The following CCDC93 variants were observed in gnomAD, a reference collection of about 807,000 sequenced individuals.
CCDC93 encodes coiled-coil domain-containing protein 93.
Under a neutral mutation model 108.2 loss-of-function variants are expected in CCDC93, and 61 were observed. The observed-to-expected ratio is 0.56, with a 90% CI of 0.46 to 0.70. The LOEUF (loss-of-function observed/expected upper bound fraction) is 0.70. CCDC93 is among the 30% of genes least tolerant of loss of function. The probability of loss-of-function intolerance (pLI) is 0.00; values close to 1 mark genes in which losing one functional copy is unlikely to be tolerated. For synonymous variants in CCDC93, 276 were observed against 260.4 expected, an observed-to-expected ratio of 1.06 and a Z score of -0.58; for missense variants, 685 against 764.2, an observed-to-expected ratio of 0.90 and a Z score of 1.22.
At chr2:118,005,484 C>T (rs1676838820) in intron 3 of CCDC93, among the ~76,000 whole-genome samples, 1 of 152,154 alleles carries the variant, frequency 6.6e-6, no homozygotes. Flanking sequence ...GAAGCATAGG[C>T]CAGGTGCGGT....
chr2:118,010,102 C>A (rs1039021630), intron 1 of CCDC93, among the ~76,000 whole-genome samples: 1 of 97,760 alleles, frequency 1.0e-5, no homozygotes, highest in Non-Finnish European at 2.3e-5. Context: ...CCACCACGCC[C>A]GTTTTTTTGT....
intron 11 of CCDC93, among the ~76,000 whole-genome samples, chr2:117,960,085 C>T (rs375445645): frequency 2.6e-5 from 4 of 152,242 alleles, no homozygotes; most frequent in African/African-American, 9.6e-5. Flanking sequence ...TATTTAATAG[C>T]TTTTTTATAG....
intron 21 of CCDC93, 116 bp downstream of exon 21, chr2:117,936,586 C>T: frequency 1.2e-6 from 1 of 817,616 alleles, no homozygotes. Flanking sequence ...AATCACATAC[C>T]CAGTGTTAAG....
chr2:117,935,111 C>T (rs1428242468), intron 22 of CCDC93, among the ~76,000 whole-genome samples: 1 of 152,092 alleles, frequency 6.6e-6, no homozygotes, highest in Non-Finnish European at 1.5e-5. Flanking sequence ...ATGTCAGGTA[C>T]CACAGATCCA....
intron 3 of CCDC93, among the ~76,000 whole-genome samples, chr2:118,001,337 T>C (rs1680845850): frequency 1.3e-5 from 2 of 152,228 alleles, no homozygotes; most frequent in African/African-American, 4.8e-5. Flanking sequence ...AAAAGTATTC[T>C]AAATATCAGG....
intron 13 of CCDC93, chr2:117,949,970 C>T (rs146721228): frequency 7.9e-5 from 78 of 985,406 alleles, no homozygotes; most frequent in Non-Finnish European, 9.0e-5. Flanking sequence ...ATAGGCTAGG[C>T]AATGAAACCT....
intron 3 of CCDC93, among the ~76,000 whole-genome samples, chr2:118,004,308 A>G (rs139865469): frequency 5.1e-4 from 78 of 152,380 alleles, no homozygotes; most frequent in African/African-American, 1.7e-3. Flanking sequence ...AATCCCATTT[A>G]TGGGCCTCTG....
rs573369385 is a variant in CCDC93, at chr2:117,938,893, A to G, written c.1605+136T>C. On this transcript the variant is annotated intron_variant, in intron 20 of 23. Coordinates refer to ENST00000376300, the MANE Select transcript of CCDC93 (RefSeq NM_019044.5). The stretch of plus-strand genomic sequence containing the variant: ...CTTGCACTTTCTGACTGGGTATGCC[A>G]GCACTTAGCATATAAAATAGGCACT... The G allele has an allele frequency of 1.3e-5, 7 of 558,478 alleles. No individual in the cohort carries two copies. The Admixed American group carries it at 2.2e-4, about 17-fold the overall frequency. 34.6% of individuals were successfully genotyped at this position (558,478 alleles called of 1,614,324 possible).
intron 23 of CCDC93, chr2:117,930,794 G>C (rs748894220): frequency 2.7e-6 from 1 of 372,690 alleles, no homozygotes. Context: ...TGCTTACTAA[G>C]TGTTAGGAAA....
At chr2:117,968,596 T>C (rs1330618366) in intron 11 of CCDC93, among the ~76,000 whole-genome samples, 1 of 152,258 alleles carries the variant, frequency 6.6e-6, no homozygotes, top group Non-Finnish European at 1.5e-5. Flanking sequence ...ATACATGTTA[T>C]GTTACACTCT....
intron 7 of CCDC93, among the ~76,000 whole-genome samples, chr2:117,984,757 T>C (rs978170222): frequency 6.6e-6 from 1 of 152,180 alleles, no homozygotes; most frequent in Non-Finnish European, 1.5e-5. Context: ...TCTCCAGCTC[T>C]GGCTCTCCCA....
chr2:117,936,890 A>G, intron 20 of CCDC93, 151 bp from the exon 21 acceptor site: 1 of 657,470 alleles, frequency 1.5e-6, no homozygotes, highest in Middle Eastern at 2.5e-4. Context: ...ATGAAAAAAA[A>G]ATTAGCCACA....
chr2:117,944,207 T>C (rs1678797655), intron 17 of CCDC93, 121 bp from the exon 18 acceptor site: 1 of 635,294 alleles, frequency 1.6e-6, no homozygotes, highest in African/African-American at 1.9e-5. Flanking sequence ...TAAATTTCTC[T>C]TCTTAAATGC....
chr2:117,945,447 A>C, intron 17 of CCDC93, 82 bp downstream of exon 17: 2 of 1,125,310 alleles, frequency 1.8e-6, no homozygotes, highest in Non-Finnish European at 2.7e-6. Context: ...TAAAGTAGGC[A>C]TGAGAAGCCA....
At chr2:117,987,533 C>A (rs1295832002) in intron 6 of CCDC93, among the ~76,000 whole-genome samples, 1 of 152,194 alleles carries the variant, frequency 6.6e-6, no homozygotes. Context: ...GTCAAGAATG[C>A]TGATGTCTAG....
At chr2:117,965,194 G>A (rs993869255) in intron 11 of CCDC93, among the ~76,000 whole-genome samples, 1 of 151,970 alleles carries the variant, frequency 6.6e-6, no homozygotes, top group African/African-American at 2.4e-5. Flanking sequence ...GCCACAATAG[G>A]AGGTTTCCAA....
rs1188351107 is a variant in CCDC93, at chr2:117,917,259, C to A, written c.*3084G>T. On this transcript the variant is annotated 3_prime_UTR_variant, in exon 24 of 24. Coordinates refer to ENST00000376300, the MANE Select transcript of CCDC93 (RefSeq NM_019044.5). ...CTTTCAGGCAGGTCTGCTTCGGTCACTAGAGACGTACTGGGGCCTGACAAC... is the reference window on the plus strand; with the variant it reads ...CTTTCAGGCAGGTCTGCTTCGGTCAATAGAGACGTACTGGGGCCTGACAAC... 1 of 152,684 alleles carries A rather than the reference C, an allele frequency of 6.5e-6. No homozygotes were observed. The highest frequency in any genetic ancestry group is 1.5e-5 in the Non-Finnish European group (1 of 68,086). 9.5% of individuals were successfully genotyped at this position (152,684 alleles called of 1,614,324 possible).
intron 11 of CCDC93, among the ~76,000 whole-genome samples, chr2:117,973,601 T>C (rs1679836381): frequency 3.3e-5 from 5 of 152,092 alleles, no homozygotes; most frequent in Admixed American, 3.3e-4. Context: ...AGAGGCCTGA[T>C]AGAAAAGAAA....
chr2:117,923,851 C>T (rs1558765256), intron 23 of CCDC93, among the ~76,000 whole-genome samples: 1 of 152,146 alleles, frequency 6.6e-6, no homozygotes, highest in Non-Finnish European at 1.5e-5. Context: ...TCCCTGACCC[C>T]CGAGTAGCCA....
Sources: allele counts gnomAD v4.1 joint callset (sites outside exome capture counted in the v4.1 genomes callset), GRCh38; gene constraint gnomAD v4.1.1; transcripts MANE v1.5; gene names NCBI Gene and HGNC (gene_info 2026-07-23, HGNC 2026-07-21).